Variants in PCYT1B observed in about 807,000 individuals in gnomAD.
The protein encoded by PCYT1B is phosphate cytidylyltransferase 1B, choline.
A neutral mutation model predicts 26.4 loss-of-function variants in PCYT1B; 10 were observed. The observed-to-expected ratio is 0.38, with a 90% CI of 0.23 to 0.64. The LOEUF (loss-of-function observed/expected upper bound fraction) is 0.64, where lower values mean the gene tolerates loss of function less well. Among genes scored for constraint, PCYT1B ranks in the 30% least tolerant of loss-of-function variants. The pLI, the probability that PCYT1B is intolerant of heterozygous loss-of-function variation, is 0.56. For missense variants in PCYT1B, 161 were observed against 292.7 expected, an observed-to-expected ratio of 0.55 and a Z score of 3.28; for synonymous variants, 131 against 108.4, an observed-to-expected ratio of 1.21 and a Z score of -1.29.
At chrX:24,631,495 G>A (rs1051026787) in intron 1 of PCYT1B, among the ~76,000 whole-genome samples, 2 of 110,898 alleles carry the variant, frequency 1.8e-5, no homozygotes, top group African/African-American at 6.6e-5. Flanking sequence ...CATTTTGTTC[G>A]ATGACCTTTC....
chrX:24,610,589 G>C, intron 2 of PCYT1B, among the ~76,000 whole-genome samples: 1 of 112,123 alleles, frequency 8.9e-6, no homozygotes, highest in Middle Eastern at 4.6e-3. Flanking sequence ...TATTGATTCA[G>C]AGGTGATCAA....
At chrX:24,573,675 G>C (rs1321538932) in intron 7 of PCYT1B, among the ~76,000 whole-genome samples, 2 of 111,371 alleles carry the variant, frequency 1.8e-5, no homozygotes, top group South Asian at 3.8e-4. Context: ...ATATGTCATA[G>C]AGACGAGAGA....
At chrX:24,583,886 C>T (rs923528599) in intron 5 of PCYT1B, among the ~76,000 whole-genome samples, 1 of 112,094 alleles carries the variant, frequency 8.9e-6, no homozygotes. Context: ...CTGGCCCCAC[C>T]AGACCTACTG....
chrX:24,653,791 A>T (rs1002508539), intron 1 of PCYT1B, among the ~76,000 whole-genome samples: 4 of 107,932 alleles, frequency 3.7e-5, no homozygotes, highest in Non-Finnish European at 5.7e-5. Context: ...TCACTCTGTC[A>T]CCCAGGCTGG....
chrX:24,651,472 AATATATATATATATATATAT>A (rs200652780), upstream of PCYT1B, among the ~76,000 whole-genome samples: 35 of 26,055 alleles, frequency 1.3e-3, 1 homozygote, highest in African/African-American at 6.5e-3. Flanking sequence ...AAAAAAAAAA[AATATATATATATATATATAT>A]ATATATATAT....
At chrX:24,672,662 G>A (rs374211541) in exon 1 of PCYT1B, 3 of 1,120,209 alleles carry the variant, frequency 2.7e-6, no homozygotes, top group African/African-American at 1.8e-5. Flanking sequence ...ATCTTCTCTA[G>A]AGGCCTCTAC....
intron 1 of PCYT1B, among the ~76,000 whole-genome samples, chrX:24,643,217 T>C (rs1323413388): frequency 1.8e-5 from 2 of 111,046 alleles, no homozygotes; most frequent in Non-Finnish European, 3.8e-5. Context: ...CTAGGCATAA[T>C]CTGAGGGCTG....
chrX:24,604,814 C>T (rs907871270), intron 3 of PCYT1B, among the ~76,000 whole-genome samples: 1 of 111,765 alleles, frequency 8.9e-6, no homozygotes, highest in South Asian at 3.8e-4. Context: ...GTACTCCAGT[C>T]CTTGTCACTT....
At position 24,587,367 on chromosome X, in the gene PCYT1B, T is replaced by C. The variant is rs767601378; in HGVS notation, c.487-48A>G. The C allele has an allele frequency of 1.9e-4, 166 of 857,131 alleles. 1 individual carries two copies. The South Asian group carries it at 3.1e-3, about 16-fold the overall frequency. 70.6% of individuals were successfully genotyped at this position (857,131 alleles called of 1,213,427 possible). ...ATGTCACCACTGGGATGGATGTGCA[T>C]GTCTGCAGATTTGAAGGGGGGAATG... On this transcript the variant is annotated intron_variant, in intron 4 of 7. Coordinates refer to ENST00000379144, the MANE Select transcript of PCYT1B (RefSeq NM_004845.5).
intron 3 of PCYT1B, among the ~76,000 whole-genome samples, chrX:24,599,969 G>A (rs778990669): frequency 9.9e-5 from 11 of 110,870 alleles, no homozygotes; most frequent in Admixed American, 1.9e-4. Flanking sequence ...GTCCAGTGGC[G>A]CAATCTCAGC....
intron 1 of PCYT1B, among the ~76,000 whole-genome samples, chrX:24,671,042 A>T (rs148218034): frequency 0.039 from 4,310 of 110,087 alleles, 212 homozygotes; most frequent in African/African-American, 0.13. Flanking sequence ...ATCTTGGCTC[A>T]CTGTAACCTC....
At chrX:24,667,090 G>C (rs1034932270) in intron 1 of PCYT1B, among the ~76,000 whole-genome samples, 2 of 109,856 alleles carry the variant, frequency 1.8e-5, no homozygotes, top group Non-Finnish European at 3.8e-5. Flanking sequence ...CCAGGGAGAG[G>C]TTAGTGCACT....
At chrX:24,656,022 G>C (rs1209387936) in intron 1 of PCYT1B, among the ~76,000 whole-genome samples, 3 of 102,852 alleles carry the variant, frequency 2.9e-5, no homozygotes, top group Non-Finnish European at 4.0e-5. Flanking sequence ...CCAGCTACTC[G>C]GGGCGCTGAG....
chrX:24,651,444 G>T, upstream of PCYT1B, among the ~76,000 whole-genome samples: 1 of 58,645 alleles, frequency 1.7e-5, no homozygotes, highest in Non-Finnish European at 2.9e-5. Context: ...AACAGAGCGA[G>T]ATGCCATCTC....
chrX:24,637,109 A>G (rs893752473), intron 1 of PCYT1B, among the ~76,000 whole-genome samples: 6 of 110,887 alleles, frequency 5.4e-5, no homozygotes, highest in South Asian at 3.9e-4. Context: ...TAGTTTTACT[A>G]CAAAGAACAC....
chrX:24,609,664 T>C (rs1925247514), intron 2 of PCYT1B, among the ~76,000 whole-genome samples: 1 of 111,884 alleles, frequency 8.9e-6, no homozygotes, highest in Admixed American at 9.5e-5. Context: ...GCAATGACAA[T>C]GGATGAGAGA....
At chrX:24,577,950 T>A (rs1416381784) in intron 6 of PCYT1B, among the ~76,000 whole-genome samples, 1 of 110,811 alleles carries the variant, frequency 9.0e-6, no homozygotes, top group African/African-American at 3.3e-5. Flanking sequence ...AAAGATTGTT[T>A]TTATTATTAT....
chrX:24,670,769 C>A (rs2148284430), intron 1 of PCYT1B, among the ~76,000 whole-genome samples: 1 of 111,108 alleles, frequency 9.0e-6, no homozygotes, highest in East Asian at 2.8e-4. Context: ...TAGCCCGGGA[C>A]ATGTCACCCT....
intron 7 of PCYT1B, among the ~76,000 whole-genome samples, chrX:24,572,395 T>C (rs1923861309): frequency 9.0e-6 from 1 of 111,526 alleles, no homozygotes; most frequent in African/African-American, 3.3e-5. Context: ...ATACATTCAT[T>C]TAACCCAGAA....
Sources: gnomAD v4.1 joint callset for allele counts (sites outside exome capture counted in the v4.1 genomes callset) on GRCh38, gnomAD v4.1.1 for gene constraint, MANE v1.5 for transcripts, NCBI Gene and HGNC (gene_info 2026-07-23, HGNC 2026-07-21) for gene names.